Variants in DLEC1 observed in about 807,000 individuals in gnomAD.
DLEC1 encodes DLEC1 cilia and flagella associated protein.
A neutral mutation model predicts 198.1 loss-of-function variants in DLEC1; 146 were observed. That is an observed-to-expected ratio of 0.74 (90% CI 0.64 to 0.85). The LOEUF is 0.85. DLEC1 is among the 40% of genes least tolerant of loss of function. DLEC1 has a pLI of 0.00. For synonymous variants in DLEC1, 897 were observed against 866.8 expected, an observed-to-expected ratio of 1.03 and a Z score of -0.61; for missense variants, 2,233 against 2,220.0, an observed-to-expected ratio of 1.01 and a Z score of -0.12.
In DLEC1 at chr3:38,094,979, G is replaced by A. The variant is rs375728827; in HGVS notation, c.2020G>A (p.Asp674Asn). The A allele has an allele frequency of 1.7e-5, 28 of 1,614,090 alleles. No homozygotes were observed. In the African/African-American group the frequency reaches 3.2e-4, roughly 18 times the overall value. ...FSMDSIKCYPDKETAFSIMPR... is the reference protein window; with the variant it reads ...FSMDSIKCYPNKETAFSIMPR... ...CATGGACAGCATCAAGTGCTACCCC[G>A]ACAAGGAGACTGCCTTCTCCATCAT... The change falls in exon 13 of 37, where the codon GAC (aspartate) becomes AAC (asparagine). Residue 674 changes from aspartate to asparagine, a missense_variant. Coordinates refer to ENST00000308059, the MANE Select transcript of DLEC1 (RefSeq NM_007335.4).
At chr3:38,062,457 T>C in intron 4 of DLEC1, 89 bp downstream of exon 4, 2 of 1,587,082 alleles carry the variant, frequency 1.3e-6, no homozygotes, top group Middle Eastern at 1.7e-4. Context: ...GAAGCTGTGA[T>C]GAATCCATCG....
intron 1 of DLEC1, among the ~76,000 whole-genome samples, chr3:38,043,774 A>C (rs1700760792): frequency 6.6e-6 from 1 of 152,132 alleles, no homozygotes; most frequent in Admixed American, 6.5e-5. Flanking sequence ...ACTCACTGTA[A>C]TCTCTGCCTC....
Position 38,123,331 on chromosome 3 carries a change from A to G in DLEC1, c.*919A>G, listed in dbSNP as rs1290790425. On this transcript the variant is annotated 3_prime_UTR_variant, in exon 37 of 37. Transcript: ENST00000308059. Reference sequence around the variant, plus strand: ...GTATCCCTTTCAAGGCTGGCCCTTAAGGAAAACAGGGATCATGCCCCTACA... The same window carrying G: ...GTATCCCTTTCAAGGCTGGCCCTTAGGGAAAACAGGGATCATGCCCCTACA... 4 of 576,112 alleles carry G rather than the reference A, an allele frequency of 6.9e-6. No homozygotes were observed. Among genetic ancestry groups the G allele is most frequent in the Middle Eastern group, 3.0e-4 (1 of 3,362 alleles). 35.7% of individuals were successfully genotyped at this position (576,112 alleles called of 1,614,324 possible). A position where few individuals can be genotyped will look rare whatever the true frequency, so the allele number is the denominator to read the frequency against.
chr3:38,122,986 T>TA lies in DLEC1; in HGVS notation c.*575dup. ...CCATGTGGTTTTGCTTTTGTGGTGTTACTGCCTTGCTGCTAGAGCAGCAGG... is the reference window on the plus strand; with the variant it reads ...CCATGTGGTTTTGCTTTTGTGGTGTTAACTGCCTTGCTGCTAGAGCAGCAGG... On this transcript the variant is annotated 3_prime_UTR_variant, in exon 37 of 37. Coordinates refer to ENST00000308059, the MANE Select transcript of DLEC1 (RefSeq NM_007335.4). 6.4e-7 allele frequency: 1 copy of TA among 1,565,898 alleles called. No individual in the cohort carries two copies. Among genetic ancestry groups the TA allele is most frequent in the East Asian group, 2.2e-5 (1 of 44,572 alleles).
At position 38,122,313 on chromosome 3, in the gene DLEC1, G is replaced by A. The variant is rs1485586986; in HGVS notation, c.5169G>A (p.Thr1723=). 8 of 1,613,862 alleles carry A rather than the reference G, an allele frequency of 5.0e-6. No homozygotes were observed. The highest frequency in any genetic ancestry group is 1.7e-5 in the Admixed American group (1 of 60,004). The part of the protein sequence containing the change: ...TARSSELYES[T]MVVEGVLGEK... ...GGAGTAGTGAGCTGTACGAGTCCAC[G>A]ATGGTGGTGGAAGGTGTGCTCGGTG... Residue 1723 remains threonine, a synonymous_variant, in exon 37 of 37, where the codon ACG becomes ACA. Coordinates refer to ENST00000308059, the MANE Select transcript of DLEC1 (RefSeq NM_007335.4).
chr3:38,117,794 G>A lies in DLEC1; in HGVS notation c.4486-12G>A, dbSNP rs761586207. 3 of 1,613,792 alleles carry A rather than the reference G, an allele frequency of 1.9e-6. No homozygotes were observed. In the African/African-American group the frequency reaches 4.0e-5, roughly 22 times the overall value. ...GATGCATTCCCTGCCTCCTACCTCT[G>A]TGGCTGCCCAGGTGCTGAGTGAGCT... On this transcript the variant is annotated splice_polypyrimidine_tract_variant and intron_variant, in intron 32 of 36. Transcript: ENST00000308059.
chr3:38,040,674 T>G (rs1422983527), intron 1 of DLEC1, among the ~76,000 whole-genome samples: 3 of 152,190 alleles, frequency 2.0e-5, no homozygotes, highest in Admixed American at 6.5e-5. Context: ...TCCCTGTCAT[T>G]CACATGAGCC....
At position 38,094,970 on chromosome 3, in the gene DLEC1, T is replaced by C. The variant is rs776411119; in HGVS notation, c.2011T>C (p.Cys671Arg). Reference protein sequence around the residue: ...GETFSMDSIKCYPDKETAFSI... With the variant: ...GETFSMDSIKRYPDKETAFSI... ...AACCTTCAGCATGGACAGCATCAAG[T>C]GCTACCCCGACAAGGAGACTGCCTT... Residue 671 changes from cysteine (C) to arginine (R), a missense_variant, in exon 13 of 37, where the codon TGC (cysteine) becomes CGC (arginine). Coordinates refer to ENST00000308059, the MANE Select transcript of DLEC1 (RefSeq NM_007335.4). The C allele has an allele frequency of 6.1e-5, 98 of 1,614,102 alleles. No individual in the cohort carries two copies. Among genetic ancestry groups the C allele is most frequent in the Non-Finnish European group, 7.5e-5 (89 of 1,180,036 alleles).
chr3:38,117,124 G>T, intron 30 of DLEC1, 24 bp downstream of exon 30: 1 of 1,613,890 alleles, frequency 6.2e-7, no homozygotes, highest in Admixed American at 1.7e-5. Flanking sequence ...GCCTGGGGTG[G>T]GGGCCGCAGC....
Position 38,116,480 on chromosome 3 carries a change from T to C in DLEC1, c.3884T>C (p.Val1295Ala). 6.2e-7 allele frequency: 1 copy of C among 1,614,112 alleles called. No homozygotes were observed. Among genetic ancestry groups the C allele is most frequent in the Non-Finnish European group, 8.5e-7 (1 of 1,179,998 alleles). ...CDIRLDWETY[V>A]PEDKEDRLVE... ...ATCCGCCTGGATTGGGAGACCTATG[T>C]TCCAGAAGACAAGGAAGACCGGCTG... Residue 1295 changes from valine (V) to alanine (A), a missense_variant, in exon 28 of 37, where the codon GTT becomes GCT. Transcript: ENST00000308059.
In DLEC1 at chr3:38,095,950, A is replaced by G. The variant is rs777491853; in HGVS notation, c.2171+4A>G. ...AGGAAGTCCCAGAGCCTGTAAGGTG[A>G]GAGAAACTGGGCCCTGGATGAGAAG... On this transcript the variant is annotated splice_donor_region_variant and intron_variant, in intron 14 of 36. Transcript: ENST00000308059. 13 of 1,613,482 alleles carry G rather than the reference A, an allele frequency of 8.1e-6. No individual in the cohort carries two copies. Among genetic ancestry groups the G allele is most frequent in the South Asian group, 6.6e-5 (6 of 91,048 alleles).
chr3:38,085,799 C>T (rs964834680), intron 8 of DLEC1, among the ~76,000 whole-genome samples: 2 of 152,166 alleles, frequency 1.3e-5, no homozygotes, highest in Non-Finnish European at 1.5e-5. Context: ...GGAGTCCTAA[C>T]AGGTCGTCGT....
At chr3:38,053,674 G>A (rs541150756) in intron 2 of DLEC1, among the ~76,000 whole-genome samples, 4 of 151,078 alleles carry the variant, frequency 2.6e-5, no homozygotes, top group Non-Finnish European at 4.4e-5. Context: ...TCTGCCCAGC[G>A]GCCACCCCGT....
intron 2 of DLEC1, among the ~76,000 whole-genome samples, chr3:38,059,178 C>A (rs1047774190): frequency 1.1e-4 from 17 of 152,156 alleles, no homozygotes; most frequent in Non-Finnish European, 2.9e-5. Flanking sequence ...GTGGGTCCAG[C>A]TAGGCATGTC....
chr3:38,086,973 C>A (rs1165588928), intron 9 of DLEC1, among the ~76,000 whole-genome samples: 1 of 151,098 alleles, frequency 6.6e-6, no homozygotes, highest in Non-Finnish European at 1.5e-5. Context: ...ACTCAGGAGG[C>A]TGAGGAAGGA....
At chr3:38,104,800 T>C (rs1002663928) in intron 19 of DLEC1, among the ~76,000 whole-genome samples, 1 of 152,172 alleles carries the variant, frequency 6.6e-6, no homozygotes, top group African/African-American at 2.4e-5. Context: ...TTATCTCTGC[T>C]TTCTAGTCTT....
chr3:38,111,872 G>A (rs1699900964), intron 24 of DLEC1, 125 bp downstream of exon 24: 2 of 1,092,892 alleles, frequency 1.8e-6, no homozygotes, highest in Non-Finnish European at 2.6e-6. Flanking sequence ...AGATGGCCAA[G>A]GCGCTCCACC....
At chr3:38,107,860 C>G (rs1322407502) in intron 20 of DLEC1, 123 bp downstream of exon 20, 1 of 1,145,314 alleles carries the variant, frequency 8.7e-7, no homozygotes, top group Non-Finnish European at 1.2e-6. Context: ...CCTCCCACAG[C>G]CTGTCCCTTG....
At chr3:38,086,474 A>G (rs1575176227) in intron 9 of DLEC1, 97 bp downstream of exon 9, 1 of 1,471,724 alleles carries the variant, frequency 6.8e-7, no homozygotes, top group East Asian at 2.3e-5. Context: ...GATTGGAAAC[A>G]CACAGAACGC....
Sources: allele counts gnomAD v4.1 joint callset (sites outside exome capture counted in the v4.1 genomes callset), GRCh38; gene constraint gnomAD v4.1.1; transcripts MANE v1.5; gene names NCBI Gene and HGNC (gene_info 2026-07-23, HGNC 2026-07-21).